NUP210L: variants seen among roughly 807,000 people sequenced by gnomAD.
NUP210L encodes the protein nucleoporin 210 like.
In NUP210L, 74 loss-of-function variants were observed where a neutral mutation model predicts 208.5. The observed-to-expected ratio is 0.35, with a 90% CI of 0.29 to 0.43. The LOEUF is 0.43. NUP210L is among the 20% of genes least tolerant of loss of function. The pLI is 1.00. For synonymous variants in NUP210L, 780 were observed against 816.9 expected (o/e 0.95, Z 0.77); for missense variants, 1,843 against 2,289.4 (o/e 0.81, Z 3.98).
In NUP210L at chr1:154,057,576, G is replaced by A. The variant is rs531498443; in HGVS notation, c.3107+513C>T. Among the ~76,000 whole-genome samples the A allele has an allele frequency of 2.6e-5, 4 of 151,986 alleles. No homozygotes were observed. In the East Asian group the frequency reaches 7.7e-4, roughly 29 times the overall value. The stretch of plus-strand genomic sequence containing the variant: ...TCTGCCTCTAAATATATTTTTAAAG[G>A]GTCCTCTATCCTGAAGCACCCCCAA... On this transcript the variant is annotated intron_variant, in intron 22 of 39. Transcript: ENST00000368559.
chr1:154,086,501 G>T (rs1262558767), intron 16 of NUP210L, among the ~76,000 whole-genome samples: 1 of 152,042 alleles, frequency 6.6e-6, no homozygotes, highest in Non-Finnish European at 1.5e-5. Flanking sequence ...AAACTTTTGT[G>T]CTTCAAAAGA....
At chr1:154,023,617 A>G (rs570284876) in intron 30 of NUP210L, among the ~76,000 whole-genome samples, 2 of 151,278 alleles carry the variant, frequency 1.3e-5, no homozygotes, top group East Asian at 3.9e-4. Context: ...AGCTGTGATT[A>G]CAGGCATCTG....
chr1:153,995,981 TA>T, intron 37 of NUP210L: 1 of 400,340 alleles, frequency 2.5e-6, no homozygotes, highest in Non-Finnish European at 4.8e-6. Context: ...TTTTGAGTAA[TA>T]AAAATGAGGA....
intron 17 of NUP210L, among the ~76,000 whole-genome samples, chr1:154,067,120 G>A (rs560927926): frequency 2.0e-5 from 3 of 151,994 alleles, no homozygotes; most frequent in Non-Finnish European, 4.4e-5. Flanking sequence ...TGATACCAAC[G>A]CCTGGCAGAG....
At chr1:154,042,765 G>A (rs1008786165) in intron 27 of NUP210L, among the ~76,000 whole-genome samples, 5 of 151,826 alleles carry the variant, frequency 3.3e-5, no homozygotes, top group African/African-American at 1.2e-4. Flanking sequence ...CTGTTGCCCA[G>A]GCTGGAGTCC....
At chr1:154,101,945 T>C (rs1341409027) in intron 13 of NUP210L, among the ~76,000 whole-genome samples, 1 of 151,942 alleles carries the variant, frequency 6.6e-6, no homozygotes, top group Non-Finnish European at 1.5e-5. Context: ...AAGTCAGGAG[T>C]TCCACACCAG....
At position 154,154,829 on chromosome 1, in the gene NUP210L, C is replaced by A. The variant is rs1571340431; in HGVS notation, c.203+13G>T. ...AGTGAGGGTGCATATCCTTGTCACC[C>A]ACCACCCCTCACCAAGTGTAGCAGC... On this transcript the variant is annotated intron_variant, in intron 1 of 39. Coordinates refer to ENST00000368559, the Ensembl canonical transcript of NUP210L. The A allele has an allele frequency of 6.2e-7, 1 of 1,608,338 alleles. No homozygotes were observed.
At chr1:154,115,869 A>ACTGG (rs1657293172) in intron 12 of NUP210L, among the ~76,000 whole-genome samples, 1 of 152,030 alleles carries the variant, frequency 6.6e-6, no homozygotes, top group East Asian at 1.9e-4. Flanking sequence ...CTGTAATCCC[A>ACTGG]CCACTATGGA....
intron 2 of NUP210L, among the ~76,000 whole-genome samples, chr1:154,147,353 G>A (rs1236906234): frequency 1.3e-5 from 2 of 151,428 alleles, no homozygotes; most frequent in African/African-American, 4.9e-5. Context: ...CATCTGACCA[G>A]TACTTTTTTT....
chr1:154,038,625 G>A (rs539937238), intron 27 of NUP210L, among the ~76,000 whole-genome samples: 6 of 152,154 alleles, frequency 3.9e-5, no homozygotes, highest in South Asian at 2.1e-4. Context: ...GGTTACAGGC[G>A]TAAGCCACCA....
chr1:154,007,257 G>A (rs1049774908), intron 35 of NUP210L, among the ~76,000 whole-genome samples: 16 of 122,898 alleles, frequency 1.3e-4, no homozygotes, highest in African/African-American at 4.5e-4. Flanking sequence ...CTACTGCGCC[G>A]GGCTTATATA....
At chr1:154,058,244 GC>G (rs1385533670) in intron 21 of NUP210L, 28 bp from the exon 22 acceptor site, 1 of 1,611,602 alleles carries the variant, frequency 6.2e-7, no homozygotes, top group Non-Finnish European at 8.5e-7. Flanking sequence ...AAAGATTTTA[GC>G]AAAGGTGTCT....
At chr1:154,153,853 A>C (rs1010529763) in intron 1 of NUP210L, among the ~76,000 whole-genome samples, 5 of 152,134 alleles carry the variant, frequency 3.3e-5, no homozygotes, top group Non-Finnish European at 5.9e-5. Flanking sequence ...ATCATCTTAC[A>C]AGCTCACTTT....
intron 17 of NUP210L, among the ~76,000 whole-genome samples, chr1:154,062,288 T>C (rs1348703927): frequency 6.6e-6 from 1 of 152,178 alleles, no homozygotes; most frequent in Non-Finnish European, 1.5e-5. Context: ...GGCTGACAAG[T>C]GTAATTTTTT....
chr1:154,103,182 T>C (rs1481244655), intron 13 of NUP210L, among the ~76,000 whole-genome samples: 1 of 139,726 alleles, frequency 7.2e-6, no homozygotes, highest in African/African-American at 2.7e-5. Flanking sequence ...TCACCTGAGG[T>C]CAGGAGTTCA....
chr1:154,145,038 G>A (rs1177683804), intron 2 of NUP210L, among the ~76,000 whole-genome samples: 1 of 151,824 alleles, frequency 6.6e-6, no homozygotes, highest in Non-Finnish European at 1.5e-5. Context: ...AACCCAGGAG[G>A]CAGAGGTTAC....
intron 8 of NUP210L, among the ~76,000 whole-genome samples, chr1:154,127,707 T>A (rs952461982): frequency 1.3e-5 from 2 of 151,890 alleles, no homozygotes; most frequent in African/African-American, 4.8e-5. Context: ...TGCGTTACCA[T>A]GCATGCTCAG....
exon 38 of NUP210L, chr1:153,995,089 A>G: frequency 1.2e-6 from 2 of 1,609,930 alleles, no homozygotes; most frequent in Non-Finnish European, 1.7e-6. Context: ...GGAAGATGGA[A>G]GCTGTTGATG....
intron 22 of NUP210L, 43 bp downstream of exon 22, chr1:154,058,046 T>G: frequency 6.2e-7 from 1 of 1,609,974 alleles, no homozygotes; most frequent in Non-Finnish European, 8.5e-7. Flanking sequence ...GGGAGAGTCT[T>G]ATGATATGCA....
Sources: allele counts gnomAD v4.1 joint callset (sites outside exome capture counted in the v4.1 genomes callset), GRCh38; gene constraint gnomAD v4.1.1; transcripts MANE v1.5; gene names NCBI Gene and HGNC (gene_info 2026-07-23, HGNC 2026-07-21).